The following RBFOX1 variants were observed in gnomAD, a reference collection of about 807,000 sequenced individuals.
RBFOX1 encodes RNA binding protein fox-1 homolog 1.
Under a neutral mutation model 57.7 loss-of-function variants are expected in RBFOX1, and 8 were observed. The ratio of observed to expected loss-of-function variants is 0.14; its 90% CI spans 0.08 to 0.25. RBFOX1 has a LOEUF of 0.25. Among genes scored for constraint, RBFOX1 ranks in the 10% least tolerant of loss-of-function variants. The pLI is 1.00. For missense variants in RBFOX1, 611 were observed against 548.5 expected, an observed-to-expected ratio of 1.11 and a Z score of -1.14; for synonymous variants, 326 against 222.4, an observed-to-expected ratio of 1.47 and a Z score of -4.15.
chr16:6,339,455 G>T (rs1017566175), intron 2 of RBFOX1, among the ~76,000 whole-genome samples: 21 of 152,162 alleles, frequency 1.4e-4, no homozygotes, highest in Non-Finnish European at 3.1e-4. Flanking sequence ...GGAGCTGAGG[G>T]CTAGGGTTCT....
rs184311873 is a variant in RBFOX1, at chr16:7,351,885, G to A, written c.28-166262G>A. ...TTCAGCTGTCAGCAGCTGTCTTTCT[G>A]ATCTGCTGCCAAGGAGTTTCCAACC... On this transcript the variant is annotated intron_variant, in intron 4 of 15. Coordinates refer to ENST00000550418, the MANE Select transcript of RBFOX1 (RefSeq NM_018723.4). Among the ~76,000 whole-genome samples the A allele has an allele frequency of 2.2e-4, 34 of 152,234 alleles. No homozygotes were observed. The Middle Eastern group carries it at 0.01, about 46-fold the overall frequency.
intron 3 of RBFOX1, among the ~76,000 whole-genome samples, chr16:6,764,611 A>T (rs1318927639): frequency 6.6e-6 from 1 of 152,160 alleles, no homozygotes; most frequent in Admixed American, 6.5e-5. Flanking sequence ...AAAAAAGAGT[A>T]AACAAAACAA....
chr16:6,038,967 T>C (rs2095405795), intron 1 of RBFOX1: 1 of 117,754 alleles, frequency 8.5e-6, no homozygotes, highest in South Asian at 2.8e-4. Context: ...ACATATTACA[T>C]ACCAGCCAAT....
intron 3 of RBFOX1, among the ~76,000 whole-genome samples, chr16:6,757,577 A>G (rs1297718234): frequency 1.3e-5 from 2 of 152,140 alleles, no homozygotes; most frequent in African/African-American, 2.4e-5. Flanking sequence ...GTTCTCATTC[A>G]TATGTGGGAG....
At chr16:7,165,151 T>G (rs2079157214) in intron 4 of RBFOX1, among the ~76,000 whole-genome samples, 2 of 152,086 alleles carry the variant, frequency 1.3e-5, no homozygotes, top group Admixed American at 1.3e-4. Flanking sequence ...GGTCCCTACT[T>G]GTGTTGAATA....
At chr16:5,485,769 C>G (rs1486031966) in intron 2 of RBFOX1, among the ~76,000 whole-genome samples, 1 of 152,190 alleles carries the variant, frequency 6.6e-6, no homozygotes, top group Non-Finnish European at 1.5e-5. Context: ...TTCAAAAGTG[C>G]TTGTGAGTGT....
intron 1 of RBFOX1, among the ~76,000 whole-genome samples, chr16:6,103,035 T>C (rs1335772474): frequency 6.6e-6 from 1 of 152,164 alleles, no homozygotes; most frequent in African/African-American, 2.4e-5. Flanking sequence ...TTCCCCTCTT[T>C]TGGACAATTA....
chr16:6,684,182 A>G (rs1356798123), intron 3 of RBFOX1, among the ~76,000 whole-genome samples: 1 of 152,196 alleles, frequency 6.6e-6, no homozygotes, highest in Non-Finnish European at 1.5e-5. Context: ...GTTAAACGCA[A>G]GGATGTACGC....
intron 14 of RBFOX1, among the ~76,000 whole-genome samples, 153 bp from the exon 15 acceptor site, chr16:7,708,903 A>C (rs2083368549): frequency 1.3e-5 from 2 of 152,056 alleles, no homozygotes; most frequent in South Asian, 2.1e-4. Context: ...GTACAGATGA[A>C]CTCTTCTTAT....
intron 2 of RBFOX1, among the ~76,000 whole-genome samples, chr16:5,502,355 T>C (rs1312907933): frequency 6.7e-6 from 1 of 149,076 alleles, no homozygotes; most frequent in African/African-American, 2.4e-5. Flanking sequence ...ACTGTAAGGG[T>C]GGGATGTGGA....
chr16:7,382,442 A>T (rs2097795802), intron 4 of RBFOX1, among the ~76,000 whole-genome samples: 1 of 152,210 alleles, frequency 6.6e-6, no homozygotes, highest in African/African-American at 2.4e-5. Context: ...ATTAAACATG[A>T]TATATGGCTT....
chr16:5,639,828 T>A (rs1187297801), intron 3 of RBFOX1, among the ~76,000 whole-genome samples: 1 of 152,224 alleles, frequency 6.6e-6, no homozygotes, highest in South Asian at 2.1e-4. Context: ...CTCTTTGTTA[T>A]GATTGTGAGT....
At chr16:5,427,334 C>G (rs745977312) in intron 1 of RBFOX1, among the ~76,000 whole-genome samples, 2 of 152,176 alleles carry the variant, frequency 1.3e-5, no homozygotes, top group Non-Finnish European at 2.9e-5. Flanking sequence ...CCTTTAATCC[C>G]AGCACTTTAG....
intron 3 of RBFOX1, among the ~76,000 whole-genome samples, chr16:6,694,490 C>G (rs1323944845): frequency 6.6e-6 from 1 of 152,150 alleles, no homozygotes; most frequent in Admixed American, 6.5e-5. Context: ...CCAAACCTGC[C>G]TGACCCAAGG....
intron 4 of RBFOX1, among the ~76,000 whole-genome samples, chr16:7,083,155 A>G (rs531306279): frequency 6.6e-6 from 1 of 152,158 alleles, no homozygotes; most frequent in African/African-American, 2.4e-5. Context: ...AATTTAAAAC[A>G]TAGAAATAAT....
intron 4 of RBFOX1, among the ~76,000 whole-genome samples, chr16:7,067,259 C>T (rs755924387): frequency 2.0e-5 from 3 of 152,044 alleles, no homozygotes; most frequent in Non-Finnish European, 2.9e-5. Flanking sequence ...AGTTGGTACT[C>T]ATGTTGAAAT....
chr16:5,682,065 G>A (rs1347643603), intron 3 of RBFOX1, among the ~76,000 whole-genome samples: 2 of 152,162 alleles, frequency 1.3e-5, no homozygotes, highest in Non-Finnish European at 2.9e-5. Context: ...CTGGGGCTGT[G>A]ATACATTCAC....
At chr16:7,222,275 C>A (rs988079578) in intron 4 of RBFOX1, among the ~76,000 whole-genome samples, 1 of 152,230 alleles carries the variant, frequency 6.6e-6, no homozygotes. Flanking sequence ...GTCTCAGAAG[C>A]GTAAGATATA....
chr16:6,745,221 A>G (rs2073289863), intron 3 of RBFOX1, among the ~76,000 whole-genome samples: 1 of 152,120 alleles, frequency 6.6e-6, no homozygotes, highest in African/African-American at 2.4e-5. Flanking sequence ...CCAAGCCCAG[A>G]TGACTTTGTT....
Sources: allele counts gnomAD v4.1 joint callset (sites outside exome capture counted in the v4.1 genomes callset), GRCh38; gene constraint gnomAD v4.1.1; transcripts MANE v1.5; gene names NCBI Gene and HGNC (gene_info 2026-07-23, HGNC 2026-07-21).